SV2B: variants seen among roughly 807,000 people sequenced by gnomAD.
SV2B encodes solute carrier family 22 member B2.
Under a neutral mutation model 73.9 loss-of-function variants are expected in SV2B, and 41 were observed. That is an observed-to-expected ratio of 0.56 (90% CI 0.43 to 0.72). The LOEUF is 0.72. SV2B is among the 30% of genes least tolerant of loss of function. The probability of loss-of-function intolerance (pLI) is 0.00; values close to 1 mark genes in which losing one functional copy is unlikely to be tolerated. For missense variants in SV2B, 764 were observed against 857.8 expected (o/e 0.89, Z 1.37); for synonymous variants, 314 against 314.2 (o/e 1.00, Z 0.01).
chr15:91,226,198 C>T lies in SV2B; in HGVS notation c.-66C>T, dbSNP rs2046370507. On this transcript the variant is annotated 5_prime_UTR_variant, in exon 2 of 13. Transcript: ENST00000394232. Reference sequence around the variant, plus strand: ...AATGAATGATGGTTATTGAAATAGCCCAAACCTCTACCACAGAGCGAGGGA... The same window carrying T: ...AATGAATGATGGTTATTGAAATAGCTCAAACCTCTACCACAGAGCGAGGGA... 6.7e-7 allele frequency: 1 copy of T among 1,501,264 alleles called. No individual in the cohort carries two copies. The allele number at this position is 1,501,264 out of a possible 1,614,324, so 93.0% of individuals were successfully genotyped here. A position where few individuals can be genotyped will look rare whatever the true frequency, so the allele number is the denominator to read the frequency against.
intron 2 of SV2B, among the ~76,000 whole-genome samples, chr15:91,235,609 G>C (rs935610430): frequency 1.3e-5 from 2 of 152,092 alleles, no homozygotes; most frequent in Non-Finnish European, 2.9e-5. Context: ...TTTATCATGT[G>C]AGATACAGAT....
intron 2 of SV2B, among the ~76,000 whole-genome samples, chr15:91,248,140 T>A (rs2047319993): frequency 6.6e-6 from 1 of 151,968 alleles, no homozygotes; most frequent in African/African-American, 2.4e-5. Context: ...GCTAACACGG[T>A]GAAACCCCGT....
At position 91,265,809 on chromosome 15, in the gene SV2B, A is replaced by G. The variant is rs555684965; in HGVS notation, c.1009-773A>G. ...CTTGACATTTCTGGGAAGAGAGCCTATGCCTTTAGCAGATTCTCAAATTCT... is the reference window on the plus strand; with the variant it reads ...CTTGACATTTCTGGGAAGAGAGCCTGTGCCTTTAGCAGATTCTCAAATTCT... On this transcript the variant is annotated intron_variant, in intron 6 of 12. Transcript: ENST00000394232. This position sits in a 1 kb window ranked among gnomAD's most constrained non-coding sequence, Gnocchi z 4.2. 6.6e-6 allele frequency among the ~76,000 whole-genome samples: 1 copy of G among 152,344 alleles called. No homozygotes were observed. The highest frequency in any genetic ancestry group is 2.1e-4 in the South Asian group (1 of 4,830).
chr15:91,170,891 G>T (rs369397922), intron 1 of SV2B, among the ~76,000 whole-genome samples: 1 of 151,840 alleles, frequency 6.6e-6, no homozygotes, highest in Admixed American at 6.6e-5. Context: ...TTTGAATAAC[G>T]TGTATCTTGG....
At chr15:91,179,961 T>G (rs1373632189) in intron 1 of SV2B, among the ~76,000 whole-genome samples, 1 of 151,570 alleles carries the variant, frequency 6.6e-6, no homozygotes, top group Admixed American at 6.6e-5. Context: ...ATTTTGCTCA[T>G]TAGTTGATGC....
chr15:91,193,856 C>T (rs1401030616), intron 1 of SV2B, among the ~76,000 whole-genome samples: 6 of 152,184 alleles, frequency 3.9e-5, no homozygotes, highest in East Asian at 3.9e-4. Context: ...TTATTTTTTC[C>T]TACATATTCC....
intron 9 of SV2B, among the ~76,000 whole-genome samples, chr15:91,278,595 C>A (rs540971659): frequency 7.7e-6 from 1 of 129,282 alleles, no homozygotes; most frequent in African/African-American, 3.4e-5. Context: ...AGGAGAATGG[C>A]GTGAACCCGG....
At chr15:91,249,473 A>G (rs1024485557) in intron 2 of SV2B, among the ~76,000 whole-genome samples, 8 of 152,232 alleles carry the variant, frequency 5.3e-5, no homozygotes, top group African/African-American at 1.9e-4. Context: ...TCACTTGACA[A>G]GCAATACTGG....
At chr15:91,264,679 G>T (rs941065779) in intron 6 of SV2B, among the ~76,000 whole-genome samples, 2 of 152,150 alleles carry the variant, frequency 1.3e-5, no homozygotes, top group African/African-American at 4.8e-5. Flanking sequence ...ACTGCCTAAT[G>T]CTGAAGAATG....
At chr15:91,191,297 A>G (rs1027672068) in intron 1 of SV2B, among the ~76,000 whole-genome samples, 2 of 151,906 alleles carry the variant, frequency 1.3e-5, no homozygotes, top group Non-Finnish European at 2.9e-5. Context: ...ACAGGCTCCT[A>G]GTAATCTTCT....
At chr15:91,107,297 G>GTTTGTTTGTTTATTTATTTATTTATTTA (rs140617996) in intron 1 of SV2B, among the ~76,000 whole-genome samples, 55 of 145,842 alleles carry the variant, frequency 3.8e-4, no homozygotes, top group Non-Finnish European at 5.1e-4. Context: ...TTATTTGTTT[G>GTTTGTTTGTTTATTTATTTATTTATTTA]TTTATTTATT....
Position 91,240,721 on chromosome 15 carries a change from G to A in SV2B, c.452-11098G>A, listed in dbSNP as rs1356668456. 1.3e-5 allele frequency among the ~76,000 whole-genome samples: 2 copies of A among 152,076 alleles called. No homozygotes were observed. The highest frequency in any genetic ancestry group is 6.5e-5 in the Admixed American group (1 of 15,274). On this transcript the variant is annotated intron_variant, in intron 2 of 12. Coordinates refer to ENST00000394232, the MANE Select transcript of SV2B (RefSeq NM_001323032.3). The surrounding 1 kb of genome is among the most constrained non-coding windows in gnomAD (Gnocchi z 4.6). Reference sequence around the variant, plus strand: ...TTTATCCCTGTATGTCAATCACCGTGAGAGGTTCATGTCTGCCAGGACACC... The same window carrying A: ...TTTATCCCTGTATGTCAATCACCGTAAGAGGTTCATGTCTGCCAGGACACC...
intron 1 of SV2B, among the ~76,000 whole-genome samples, chr15:91,187,078 G>T (rs2044800412): frequency 6.6e-6 from 1 of 152,110 alleles, no homozygotes; most frequent in South Asian, 2.1e-4. Flanking sequence ...TCATGCACAA[G>T]GCGTACTTTT....
chr15:91,189,891 G>A (rs1259599841), intron 1 of SV2B, among the ~76,000 whole-genome samples: 5 of 152,120 alleles, frequency 3.3e-5, no homozygotes, highest in Admixed American at 3.3e-4. Flanking sequence ...AGGAGGCTGA[G>A]GCAGGAGAAT....
intron 1 of SV2B, among the ~76,000 whole-genome samples, chr15:91,218,661 C>T (rs1164410164): frequency 6.6e-6 from 1 of 152,156 alleles, no homozygotes; most frequent in African/African-American, 2.4e-5. Context: ...CCACCAAATT[C>T]CTGCCAAATA....
At chr15:91,108,760 A>G (rs2041958066) in intron 1 of SV2B, among the ~76,000 whole-genome samples, 1 of 152,196 alleles carries the variant, frequency 6.6e-6, no homozygotes, top group Non-Finnish European at 1.5e-5. Flanking sequence ...TTAAGCCCCC[A>G]GTTACATCGT....
intron 1 of SV2B, among the ~76,000 whole-genome samples, chr15:91,144,142 T>A (rs1277436165): frequency 6.6e-6 from 1 of 152,240 alleles, no homozygotes; most frequent in East Asian, 1.9e-4. Flanking sequence ...TATTTTACTT[T>A]GAAGAAGCCA....
rs8036542 is a variant in SV2B at position 91,231,896 on chromosome 15, C to T, written c.451+5182C>T. ...GGGCATGGTGTCTGTGCCAGCCATA[C>T]GGAGGACACAGAGCAATGTCAGATG... On this transcript the variant is annotated intron_variant, in intron 2 of 12. Transcript: ENST00000394232. The surrounding 1 kb of genome is among the most constrained non-coding windows in gnomAD (Gnocchi z 4.5). 1.8e-3 allele frequency among the ~76,000 whole-genome samples: 267 copies of T among 152,210 alleles called. 1 individual carries two copies. Among genetic ancestry groups the T allele is most frequent in the African/African-American group, 6.0e-3 (248 of 41,546 alleles).
At chr15:91,134,499 G>T (rs1275106153) in intron 1 of SV2B, among the ~76,000 whole-genome samples, 8 of 152,160 alleles carry the variant, frequency 5.3e-5, no homozygotes, top group Non-Finnish European at 1.0e-4. Flanking sequence ...ATCCAAACCT[G>T]CAAGAGAGCG....
Sources: allele counts gnomAD v4.1 joint callset (sites outside exome capture counted in the v4.1 genomes callset), GRCh38; gene constraint gnomAD v4.1.1; non-coding constraint Gnocchi (gnomAD v3.1); transcripts MANE v1.5; gene names NCBI Gene and HGNC (gene_info 2026-07-23, HGNC 2026-07-21).